CACNA2D1: variants seen among roughly 807,000 people sequenced by gnomAD.
The protein encoded by CACNA2D1 is voltage-dependent calcium channel subunit alpha-2/delta-1.
CACNA2D1 carries 53 observed loss-of-function variants against 171.5 expected under a neutral mutation model. The ratio of observed to expected loss-of-function variants is 0.31; its 90% CI spans 0.25 to 0.39. CACNA2D1 has a LOEUF of 0.39. Ranked by LOEUF, CACNA2D1 falls within the 10% of genes least tolerant of loss-of-function variation. The probability of loss-of-function intolerance (pLI) is 1.00; values close to 1 mark genes in which losing one functional copy is unlikely to be tolerated. For synonymous variants in CACNA2D1, 442 were observed against 443.1 expected (o/e 1.00, Z 0.03); for missense variants, 903 against 1,299.8 (o/e 0.69, Z 4.69).
intron 5 of CACNA2D1, among the ~76,000 whole-genome samples, chr7:82,125,874 C>T (rs950680942): frequency 3.3e-5 from 5 of 152,076 alleles, no homozygotes; most frequent in Non-Finnish European, 2.9e-5. Context: ...AAATTCATGA[C>T]AATAAAATGA....
chr7:82,003,562 C>A (rs981779202), intron 18 of CACNA2D1, among the ~76,000 whole-genome samples: 4 of 150,262 alleles, frequency 2.7e-5, no homozygotes, highest in African/African-American at 9.7e-5. Flanking sequence ...ATGAAAACTG[C>A]CTAAATTGTT....
intron 3 of CACNA2D1, among the ~76,000 whole-genome samples, chr7:82,281,321 G>C (rs946355797): frequency 6.6e-6 from 1 of 152,202 alleles, no homozygotes; most frequent in Non-Finnish European, 1.5e-5. Flanking sequence ...ACAAGTCATT[G>C]TGTCGAGAGA....
At chr7:82,056,160 G>T (rs7810853) in intron 10 of CACNA2D1, among the ~76,000 whole-genome samples, 2,750 of 152,024 alleles carry the variant, frequency 0.018, 90 homozygotes, top group African/African-American at 0.061. Flanking sequence ...TAATATGCCA[G>T]GGAATGGATG....
At chr7:82,331,276 T>G (rs1563378781) in intron 3 of CACNA2D1, among the ~76,000 whole-genome samples, 1 of 152,184 alleles carries the variant, frequency 6.6e-6, no homozygotes. Context: ...CTTAGATTTG[T>G]ATATTCATGA....
At chr7:81,973,312 A>G (rs1795484238) in intron 25 of CACNA2D1, among the ~76,000 whole-genome samples, 1 of 152,042 alleles carries the variant, frequency 6.6e-6, no homozygotes, top group African/African-American at 2.4e-5. Flanking sequence ...CTGAGTAGAA[A>G]GGTTTGGAAT....
chr7:82,281,665 A>C (rs765731893), intron 3 of CACNA2D1, among the ~76,000 whole-genome samples: 2 of 152,208 alleles, frequency 1.3e-5, no homozygotes, highest in Admixed American at 6.5e-5. Flanking sequence ...AAACACTGTA[A>C]GCATATAGCG....
At chr7:82,350,220 T>C (rs1261576234) in intron 1 of CACNA2D1, among the ~76,000 whole-genome samples, 1 of 152,232 alleles carries the variant, frequency 6.6e-6, no homozygotes, top group Non-Finnish European at 1.5e-5. Flanking sequence ...GTAAACATTT[T>C]ATTTTTAATG....
chr7:82,137,732 T>TAAAAAAAAAAAAAAAAAAAAAAA (rs1791825767), intron 4 of CACNA2D1, among the ~76,000 whole-genome samples: 1 of 65,532 alleles, frequency 1.5e-5, no homozygotes, highest in Non-Finnish European at 3.0e-5. Context: ...AAAAAAAAAT[T>TAAAAAAAAAAAAAAAAAAAAAAA]AGCCGGGCGT....
At chr7:82,405,838 C>T (rs974453738) in intron 1 of CACNA2D1, among the ~76,000 whole-genome samples, 2 of 151,976 alleles carry the variant, frequency 1.3e-5, no homozygotes, top group Non-Finnish European at 2.9e-5. Flanking sequence ...TTGAGGAGCC[C>T]TGGCTCAGAA....
intron 1 of CACNA2D1, among the ~76,000 whole-genome samples, chr7:82,373,502 T>C (rs530980876): frequency 6.6e-6 from 1 of 152,084 alleles, no homozygotes; most frequent in South Asian, 2.1e-4. Flanking sequence ...CCCTTTTTAA[T>C]TGTTACAGGA....
At chr7:82,018,752 G>C (rs1171797975) in intron 12 of CACNA2D1, among the ~76,000 whole-genome samples, 1 of 152,098 alleles carries the variant, frequency 6.6e-6, no homozygotes, top group Non-Finnish European at 1.5e-5. Context: ...AGAGGCTGAG[G>C]TGGGTGGATC....
At chr7:82,084,621 C>G in intron 7 of CACNA2D1, 148 bp downstream of exon 7, 1 of 948,372 alleles carries the variant, frequency 1.1e-6, no homozygotes, top group South Asian at 1.5e-5. Context: ...TGTGGTCAAT[C>G]CAAAGCCATG....
chr7:82,086,042 G>A (rs942335428), intron 6 of CACNA2D1, among the ~76,000 whole-genome samples: 1 of 152,088 alleles, frequency 6.6e-6, no homozygotes, highest in Non-Finnish European at 1.5e-5. Context: ...GAGATTAGCA[G>A]ACAGGGCCAC....
rs994730729 is a variant in CACNA2D1 at position 82,066,644 on chromosome 7, T to A, written c.659-120A>T. 34 of 1,386,460 alleles carry A rather than the reference T, an allele frequency of 2.5e-5. 1 individual carries two copies. In the African/African-American group the frequency reaches 4.4e-4, roughly 18 times the overall value. 85.9% of individuals were successfully genotyped at this position (1,386,460 alleles called of 1,614,324 possible). On this transcript the variant is annotated intron_variant, in intron 7 of 38. Transcript: ENST00000356860. ...ATAATTTCACTTACGTACTTCAATG[T>A]TCAAATGAGAGATATCATTTTTAAG...
intron 3 of CACNA2D1, among the ~76,000 whole-genome samples, chr7:82,321,864 C>A (rs1349281867): frequency 6.6e-6 from 1 of 152,016 alleles, no homozygotes; most frequent in Non-Finnish European, 1.5e-5. Flanking sequence ...CGGTGGCTCA[C>A]GCCTGTAATC....
At chr7:82,026,782 C>A (rs576049774) in intron 12 of CACNA2D1, among the ~76,000 whole-genome samples, 1 of 151,774 alleles carries the variant, frequency 6.6e-6, no homozygotes, top group South Asian at 2.1e-4. Context: ...ATATAATGTA[C>A]ATATGTACAC....
intron 3 of CACNA2D1, among the ~76,000 whole-genome samples, chr7:82,219,551 GTCTAAT>G (rs760864767): frequency 3.3e-5 from 5 of 152,020 alleles, no homozygotes; most frequent in Admixed American, 6.6e-5. Flanking sequence ...AAGAATTGTA[GTCTAAT>G]TCTAGGTGAC....
chr7:81,978,140 G>C (rs1359269949), intron 24 of CACNA2D1, among the ~76,000 whole-genome samples: 4 of 152,190 alleles, frequency 2.6e-5, no homozygotes, highest in African/African-American at 9.7e-5. Flanking sequence ...CTGTTGGTGG[G>C]AGTGTAAATT....
rs556465670 is a variant in CACNA2D1, at chr7:82,127,871, G to A, written c.396+8764C>T. ...CCTTCTATCCTTCCATGAGAATCAC[G>A]GCTCATCCAATAATTTATCCCAGTT... On this transcript the variant is annotated intron_variant, in intron 5 of 38. Coordinates refer to ENST00000356860, the MANE Select transcript of CACNA2D1 (RefSeq NM_000722.4). 3.9e-5 allele frequency among the ~76,000 whole-genome samples: 6 copies of A among 152,060 alleles called. 1 individual carries two copies. The highest frequency in any genetic ancestry group is 4.1e-4 in the South Asian group (2 of 4,820).
Sources: allele counts gnomAD v4.1 joint callset (sites outside exome capture counted in the v4.1 genomes callset), GRCh38; gene constraint gnomAD v4.1.1; transcripts MANE v1.5; gene names NCBI Gene and HGNC (gene_info 2026-07-23, HGNC 2026-07-21).